TOMM5: variants seen among roughly 807,000 people sequenced by gnomAD.
The protein encoded by TOMM5 is translocase of outer mitochondrial membrane 5.
TOMM5 carries 1 observed loss-of-function variant against 4.8 expected under a neutral mutation model. That is an observed-to-expected ratio of 0.21 (90% CI 0.07 to 0.99). TOMM5 has a LOEUF of 0.99. Among genes scored for constraint, TOMM5 ranks in the 50% least tolerant of loss-of-function variants. The pLI, the probability that TOMM5 is intolerant of heterozygous loss-of-function variation, is 0.60. For missense variants in TOMM5, 60 were observed against 66.6 expected (o/e 0.90, Z 0.35); for synonymous variants, 26 against 26.7 (o/e 0.97, Z 0.08).
intron 1 of TOMM5, among the ~76,000 whole-genome samples, chr9:37,591,001 G>A (rs1588874071): frequency 6.6e-6 from 1 of 152,176 alleles, no homozygotes; most frequent in Non-Finnish European, 1.5e-5. Flanking sequence ...TATACAGCAA[G>A]GAACAATGGA....
chr9:37,589,649 A>G (rs1823071050), intron 1 of TOMM5, among the ~76,000 whole-genome samples: 1 of 152,150 alleles, frequency 6.6e-6, no homozygotes. Flanking sequence ...AGCCTCCTGA[A>G]TAGTTGGGAC....
intron 1 of TOMM5, among the ~76,000 whole-genome samples, chr9:37,590,092 T>A (rs145606662): frequency 1.4e-3 from 218 of 152,298 alleles, no homozygotes; most frequent in African/African-American, 5.1e-3. Context: ...GACAATTTCA[T>A]TTAAATGAAA....
chr9:37,591,696 A>G (rs79391829), intron 1 of TOMM5, among the ~76,000 whole-genome samples: 1 of 28,594 alleles, frequency 3.5e-5, no homozygotes, highest in Non-Finnish European at 5.6e-5. Context: ...TGTATCGAGG[A>G]AAAAAAAAAA....
In TOMM5 at chr9:37,592,298, G is replaced by C. The variant is rs748761968; in HGVS notation, c.121+114C>G. The C allele has an allele frequency of 1.9e-6, 3 of 1,567,294 alleles. No homozygotes were observed. Among genetic ancestry groups the C allele is most frequent in the Non-Finnish European group, 2.6e-6 (3 of 1,155,336 alleles). On this transcript the variant is annotated intron_variant, in intron 1 of 1. Coordinates refer to ENST00000321301, the MANE Select transcript of TOMM5 (RefSeq NM_001001790.3). ...GTCGCCTTCAACGCGCACCCTCCTTGCTCCCCGCTACCGTTCAGCTCAGTT... is the reference window on the plus strand; with the variant it reads ...GTCGCCTTCAACGCGCACCCTCCTTCCTCCCCGCTACCGTTCAGCTCAGTT...
At chr9:37,591,494 C>T (rs554095247) in intron 1 of TOMM5, among the ~76,000 whole-genome samples, 3 of 151,782 alleles carry the variant, frequency 2.0e-5, no homozygotes, top group Non-Finnish European at 2.9e-5. Context: ...AGTTCGAGAC[C>T]GGCCTGGCCA....
In TOMM5 at chr9:37,588,598, C is replaced by T. The variant is rs555655866; in HGVS notation, c.*300G>A. 6.9e-5 allele frequency: 36 copies of T among 520,498 alleles called. No individual in the cohort carries two copies. The highest frequency in any genetic ancestry group is 8.1e-5 in the Admixed American group (3 of 37,064). 32.2% of individuals were successfully genotyped at this position (520,498 alleles called of 1,614,324 possible). A position where few individuals can be genotyped will look rare whatever the true frequency, so the allele number is the denominator to read the frequency against. On this transcript the variant is annotated 3_prime_UTR_variant, in exon 2 of 2. Coordinates refer to ENST00000321301, the MANE Select transcript of TOMM5 (RefSeq NM_001001790.3). ...ACAGTGCCATTTCAGACACAGCTCC[C>T]TTAATACTTGCTAGAAAACGGAGTT... is the stretch of plus-strand genomic sequence containing the variant.
chr9:37,589,276 C>T (rs991845344), intron 1 of TOMM5, among the ~76,000 whole-genome samples: 5 of 152,176 alleles, frequency 3.3e-5, no homozygotes, highest in African/African-American at 1.2e-4. Context: ...CTAGAGGAAA[C>T]AAATGGGCAT....
At chr9:37,589,267 T>C (rs1823063878) in intron 1 of TOMM5, among the ~76,000 whole-genome samples, 1 of 152,222 alleles carries the variant, frequency 6.6e-6, no homozygotes, top group African/African-American at 2.4e-5. Context: ...AACAAAACTC[T>C]AGAGGAAACA....
At position 37,588,750 on chromosome 9, in the gene TOMM5, T is replaced by C; in HGVS notation, c.*148A>G. ...TTATATTTTAGCTTTGAAGGTCAGTTACCAGAGCCAAACTTGTTCTTAACA... is the reference window on the plus strand; with the variant it reads ...TTATATTTTAGCTTTGAAGGTCAGTCACCAGAGCCAAACTTGTTCTTAACA... On this transcript the variant is annotated 3_prime_UTR_variant, in exon 2 of 2. Transcript: ENST00000321301. 1 of 788,046 alleles carries C rather than the reference T, an allele frequency of 1.3e-6. No homozygotes were observed. Among genetic ancestry groups the C allele is most frequent in the Non-Finnish European group, 2.2e-6 (1 of 447,318 alleles). The allele number at this position is 788,046 out of a possible 1,614,324, so 48.8% of individuals were successfully genotyped here. A position where few individuals can be genotyped will look rare whatever the true frequency, so the allele number is the denominator to read the frequency against.
intron 1 of TOMM5, 123 bp downstream of exon 1, chr9:37,592,289 A>ACC: frequency 3.8e-6 from 6 of 1,558,988 alleles, no homozygotes; most frequent in Non-Finnish European, 5.2e-6. Flanking sequence ...TTCAACGCGC[A>ACC]CCCTCCTTGC....
At position 37,592,578 on chromosome 9, in the gene TOMM5, A is replaced by T. The variant is rs781000154; in HGVS notation, c.-46T>A. ...TTCCAGCCGCCGCGCTCTGCTCTCC[A>T]CGGTGGCCGCCTCGCGCCCGGAACT... is the stretch of plus-strand genomic sequence containing the variant. On this transcript the variant is annotated 5_prime_UTR_variant, in exon 1 of 2. Transcript: ENST00000321301. 4 of 1,589,876 alleles carry T rather than the reference A, an allele frequency of 2.5e-6. No homozygotes were observed. Among genetic ancestry groups the T allele is most frequent in the Non-Finnish European group, 3.4e-6 (4 of 1,166,802 alleles).
chr9:37,592,502 G>A lies in TOMM5; in HGVS notation c.31C>T (p.Leu11=). Reference sequence around the variant, plus strand: ...TTCCGTTTCATCTCCTCCGGGTCCAGCTTCGGCGCGAGGCCCTCAATCCGG... The same window carrying A: ...TTCCGTTTCATCTCCTCCGGGTCCAACTTCGGCGCGAGGCCCTCAATCCGG... MFRIEGLAPK[L]DPEEMKRKMR... The change falls in exon 1 of 2, where the codon CTG becomes TTG. Residue 11 remains leucine, a synonymous_variant. Transcript: ENST00000321301. The A allele has an allele frequency of 6.2e-7, 1 of 1,613,826 alleles. No homozygotes were observed.
At chr9:37,589,890 A>G (rs1474587335) in intron 1 of TOMM5, among the ~76,000 whole-genome samples, 3 of 152,154 alleles carry the variant, frequency 2.0e-5, no homozygotes, top group Non-Finnish European at 4.4e-5. Flanking sequence ...AGTATATCCA[A>G]TTTTTCCTAC....
Position 37,592,165 on chromosome 9 carries a change from A to T in TOMM5, c.121+247T>A, listed in dbSNP as rs924819819. On this transcript the variant is annotated intron_variant, in intron 1 of 1. Coordinates refer to ENST00000321301, the MANE Select transcript of TOMM5 (RefSeq NM_001001790.3). ...TGAGCCAACGCGCCCGGCAGCTCAA[A>T]CATTCTTCAAGCTGGGAGAACCAGG... 4.8e-6 allele frequency: 7 copies of T among 1,451,534 alleles called. No individual in the cohort carries two copies. In the African/African-American group the frequency reaches 8.5e-5, roughly 18 times the overall value. 89.9% of individuals were successfully genotyped at this position (1,451,534 alleles called of 1,614,324 possible). A position where few individuals can be genotyped will look rare whatever the true frequency, so the allele number is the denominator to read the frequency against.
intron 1 of TOMM5, among the ~76,000 whole-genome samples, chr9:37,590,115 G>C (rs1030505809): frequency 2.0e-5 from 3 of 152,212 alleles, no homozygotes; most frequent in Non-Finnish European, 4.4e-5. Context: ...TCCAGGGCCA[G>C]GTGTGGTGGA....
chr9:37,592,257 A>G lies in TOMM5; in HGVS notation c.121+155T>C, dbSNP rs750791167. On this transcript the variant is annotated intron_variant, in intron 1 of 1. Transcript: ENST00000321301. Reference sequence around the variant, plus strand: ...CCCGGACCCTGACCCGCAGACCTCAAACCGCGCATATGCCCGTCGCCTTCA... The same window carrying G: ...CCCGGACCCTGACCCGCAGACCTCAGACCGCGCATATGCCCGTCGCCTTCA... The G allele has an allele frequency of 1.3e-5, 20 of 1,548,180 alleles. No homozygotes were observed. The South Asian group carries it at 2.3e-4, about 17-fold the overall frequency.
intron 1 of TOMM5, among the ~76,000 whole-genome samples, chr9:37,591,910 C>A (rs1001585147): frequency 6.6e-6 from 1 of 152,048 alleles, no homozygotes; most frequent in African/African-American, 2.4e-5. Context: ...TACTTGAGCT[C>A]TTTCAGCTCA....
At position 37,592,587 on chromosome 9, in the gene TOMM5, G is replaced by A. The variant is rs368850353; in HGVS notation, c.-55C>T. On this transcript the variant is annotated 5_prime_UTR_variant, in exon 1 of 2. Coordinates refer to ENST00000321301, the MANE Select transcript of TOMM5 (RefSeq NM_001001790.3). ...CCGCGCTCTGCTCTCCACGGTGGCC[G>A]CCTCGCGCCCGGAACTCGGCCTATC... 112 of 1,579,176 alleles carry A rather than the reference G, an allele frequency of 7.1e-5. No homozygotes were observed. The East Asian group carries it at 1.9e-3, about 27-fold the overall frequency.
intron 1 of TOMM5, among the ~76,000 whole-genome samples, chr9:37,589,911 C>T (rs1056519188): frequency 2.6e-5 from 4 of 152,046 alleles, no homozygotes; most frequent in South Asian, 2.1e-4. Context: ...TAATTCTTAA[C>T]GACAGAAAAA....
Sources: allele counts gnomAD v4.1 joint callset (sites outside exome capture counted in the v4.1 genomes callset), GRCh38; gene constraint gnomAD v4.1.1; transcripts MANE v1.5; gene names NCBI Gene and HGNC (gene_info 2026-07-23, HGNC 2026-07-21).